Variants in RRBP1 observed in about 807,000 individuals in gnomAD.
RRBP1 encodes ribosome binding protein 1.
RRBP1 carries 94 observed loss-of-function variants against 165.2 expected under a neutral mutation model. The observed-to-expected ratio is 0.57, with a 90% CI of 0.48 to 0.68. RRBP1 has a LOEUF of 0.68. RRBP1 is among the 30% of genes least tolerant of loss of function. The pLI, the probability that RRBP1 is intolerant of heterozygous loss-of-function variation, is 0.00. For synonymous variants in RRBP1, 680 were observed against 714.5 expected, an observed-to-expected ratio of 0.95 and a Z score of 0.77; for missense variants, 1,676 against 1,763.0, an observed-to-expected ratio of 0.95 and a Z score of 0.88.
At chr20:17,648,919 G>A (rs962959377) in intron 3 of RRBP1, among the ~76,000 whole-genome samples, 2 of 152,178 alleles carry the variant, frequency 1.3e-5, no homozygotes, top group African/African-American at 2.4e-5. Flanking sequence ...TGCAGAAAAC[G>A]GCAGGGGATT....
chr20:17,618,602 A>G lies in RRBP1; in HGVS notation c.3753T>C (p.Leu1251=). Residue 1251 remains leucine, a synonymous_variant, in exon 20 of 25, where the codon CTT becomes CTC. Transcript: ENST00000377813. The stretch of plus-strand genomic sequence containing the variant: ...GGACATGGAGGCCACCTACCAGGGC[A>G]AGCTCATCGCTCTGTTTCTGGGCTT... The part of the protein sequence containing the change: ...KSEAQKQSDE[L]ALVRQQLSEM... 1 of 1,613,870 alleles carries G rather than the reference A, an allele frequency of 6.2e-7. No individual in the cohort carries two copies. The highest frequency in any genetic ancestry group is 8.5e-7 in the Non-Finnish European group (1 of 1,179,884).
intron 7 of RRBP1, among the ~76,000 whole-genome samples, chr20:17,635,139 C>T (rs1257238421): frequency 1.3e-5 from 2 of 152,166 alleles, no homozygotes; most frequent in African/African-American, 2.4e-5. Flanking sequence ...AGCAGAAGTG[C>T]GGCTGTACTC....
intron 3 of RRBP1, among the ~76,000 whole-genome samples, chr20:17,646,252 G>C (rs140766723): frequency 6.6e-6 from 1 of 152,208 alleles, no homozygotes; most frequent in South Asian, 2.1e-4. Flanking sequence ...CTGGAAACGA[G>C]ATTTTTAAGT....
intron 3 of RRBP1, among the ~76,000 whole-genome samples, chr20:17,651,842 A>C (rs1434837531): frequency 6.6e-6 from 1 of 152,196 alleles, no homozygotes; most frequent in Non-Finnish European, 1.5e-5. Flanking sequence ...AGTGGTAAAA[A>C]CCCGCTGCAG....
intron 5 of RRBP1, among the ~76,000 whole-genome samples, chr20:17,640,942 C>T (rs568088314): frequency 1.3e-5 from 2 of 152,354 alleles, no homozygotes; most frequent in South Asian, 2.1e-4. Flanking sequence ...GGCCCTCCCC[C>T]TGCGCCCGCT....
At chr20:17,679,385 G>A (rs1429663006) in intron 2 of RRBP1, among the ~76,000 whole-genome samples, 1 of 152,162 alleles carries the variant, frequency 6.6e-6, no homozygotes, top group East Asian at 1.9e-4. Context: ...ATGCACAGAC[G>A]GACAGCACAG....
intron 3 of RRBP1, among the ~76,000 whole-genome samples, chr20:17,654,099 C>T (rs1051521891): frequency 1.3e-5 from 2 of 152,228 alleles, no homozygotes; most frequent in Admixed American, 1.3e-4. Context: ...GGGCTCTCCA[C>T]CCCAATCGCT....
At chr20:17,617,318 G>C (rs2035820848) in intron 20 of RRBP1, among the ~76,000 whole-genome samples, 1 of 152,206 alleles carries the variant, frequency 6.6e-6, no homozygotes, top group South Asian at 2.1e-4. Context: ...GGCATATCTG[G>C]CTGCACCCAA....
rs1287740323 is a variant in RRBP1 at position 17,641,939 on chromosome 20, C to G, written c.2062-20G>C. The stretch of plus-strand genomic sequence containing the variant: ...AGTGGCCTAGAAATACCCAGAGATG[C>G]GTTAACAGAGGGGACAAATGGGACT... On this transcript the variant is annotated intron_variant, in intron 4 of 24. Coordinates refer to ENST00000377813, the MANE Select transcript of RRBP1 (RefSeq NM_001365613.2). 11 of 1,606,516 alleles carry G rather than the reference C, an allele frequency of 6.8e-6. No individual in the cohort carries two copies. Among genetic ancestry groups the G allele is most frequent in the Non-Finnish European group, 9.4e-6 (11 of 1,174,136 alleles).
intron 5 of RRBP1, among the ~76,000 whole-genome samples, chr20:17,639,060 G>A (rs2036299271): frequency 6.6e-6 from 1 of 152,238 alleles, no homozygotes; most frequent in Admixed American, 6.5e-5. Context: ...GCCCAGGACG[G>A]GGCCAGTCCG....
At chr20:17,668,370 T>C (rs1568788674) in intron 2 of RRBP1, among the ~76,000 whole-genome samples, 1 of 152,232 alleles carries the variant, frequency 6.6e-6, no homozygotes, top group Non-Finnish European at 1.5e-5. Flanking sequence ...CTATTTTTCA[T>C]TGTCTTCTTT....
chr20:17,662,955 C>T (rs946851107), intron 2 of RRBP1, among the ~76,000 whole-genome samples: 2 of 152,102 alleles, frequency 1.3e-5, no homozygotes, highest in Non-Finnish European at 2.9e-5. Context: ...GAGGGAGGAT[C>T]GCTTGAGCTC....
intron 24 of RRBP1, 27 bp from the exon 25 acceptor site, chr20:17,614,247 G>C: frequency 6.2e-7 from 1 of 1,611,010 alleles, no homozygotes; most frequent in Non-Finnish European, 8.5e-7. Flanking sequence ...GTGGCGTGAG[G>C]GGGGCTGGGC....
chr20:17,628,639 G>A (rs2036081751), intron 9 of RRBP1, among the ~76,000 whole-genome samples: 1 of 152,232 alleles, frequency 6.6e-6, no homozygotes. Context: ...CCCGCCACCA[G>A]CCTTCTCCTT....
At position 17,638,821 on chromosome 20, in the gene RRBP1, G is replaced by A. The variant is rs113725511; in HGVS notation, c.2185-2092C>T. On this transcript the variant is annotated intron_variant, in intron 5 of 24. Coordinates refer to ENST00000377813, the MANE Select transcript of RRBP1 (RefSeq NM_001365613.2). The stretch of plus-strand genomic sequence containing the variant: ...ACTTCTTCCAGGCGCTGTTCCCTAG[G>A]AGTAGTGGGGCCCCTCATGGTGTAA... Among the ~76,000 whole-genome samples the A allele has an allele frequency of 6.1e-3, 924 of 152,174 alleles. 11 individuals are homozygous for A. The highest frequency in any genetic ancestry group is 0.021 in the African/African-American group (875 of 41,516).
rs747236039 is a variant in RRBP1 at position 17,659,988 on chromosome 20, G to A, written c.520C>T (p.Pro174Ser). The A allele has an allele frequency of 6.2e-7, 1 of 1,610,528 alleles. No homozygotes were observed. Among genetic ancestry groups the A allele is most frequent in the Non-Finnish European group, 8.5e-7 (1 of 1,178,194 alleles). Residue 174 changes from proline to serine, a missense_variant, in exon 3 of 25, where the codon CCC (proline) becomes TCC (serine). Pro to Ser is a moderately conservative substitution (Grantham distance 74). This residue lies in a region of RRBP1 where 392 missense variants were observed against 382.5 expected (regional missense o/e 1.02). Transcript: ENST00000377813. ...TSKAAILETAPKEVPMVVVPP... is the reference protein window; with the variant it reads ...TSKAAILETASKEVPMVVVPP... ...ACCACCACCATCGGCACCTCCTTGG[G>A]AGCAGTTTCCAAGATGGCAGCCTTC...
intron 3 of RRBP1, among the ~76,000 whole-genome samples, chr20:17,646,554 C>T (rs766363562): frequency 3.9e-5 from 6 of 152,206 alleles, no homozygotes; most frequent in Non-Finnish European, 7.3e-5. Flanking sequence ...CCCCTCACAG[C>T]GTGGCTGAAA....
At position 17,663,674 on chromosome 20, in the gene RRBP1, C is replaced by T. The variant is rs139513442; in HGVS notation, c.-21-3146G>A. 1.1e-3 allele frequency among the ~76,000 whole-genome samples: 164 copies of T among 152,352 alleles called. 1 individual carries two copies. The highest frequency in any genetic ancestry group is 3.6e-3 in the African/African-American group (148 of 41,580). ...GTCAGCTTCAGTGAGGCGTAAACAT[C>T]ATGCTGGGAGATCCCTGATTCACAG... On this transcript the variant is annotated intron_variant, in intron 2 of 24. Transcript: ENST00000377813.
intron 19 of RRBP1, chr20:17,619,412 CT>C (rs1393003331): frequency 2.2e-6 from 1 of 454,734 alleles, no homozygotes; most frequent in South Asian, 4.7e-5. Context: ...GGCTCTGCCC[CT>C]GTCCTGGCTG....
Sources: gnomAD v4.1 joint callset for allele counts (sites outside exome capture counted in the v4.1 genomes callset) on GRCh38, gnomAD v4.1.1 for gene constraint, gnomAD v4.1.1 regional missense constraint, MANE v1.5 for transcripts, NCBI Gene and HGNC (gene_info 2026-07-23, HGNC 2026-07-21) for gene names.